KIAA1328: variants seen among roughly 807,000 people sequenced by gnomAD.
KIAA1328 encodes the protein KIAA1328.
In KIAA1328, 52 loss-of-function variants were observed where a neutral mutation model predicts 68.1. That is an observed-to-expected ratio of 0.76 (90% confidence interval 0.61 to 0.96). KIAA1328 has a LOEUF of 0.96. Ranked by LOEUF, KIAA1328 falls within the 40% of genes least tolerant of loss-of-function variation. KIAA1328 has a pLI of 0.00. For missense variants in KIAA1328, 641 were observed against 677.6 expected, an observed-to-expected ratio of 0.95 and a Z score of 0.60; for synonymous variants, 232 against 239.4, an observed-to-expected ratio of 0.97 and a Z score of 0.28.
At chr18:37,019,889 G>A (rs769107216) in intron 6 of KIAA1328, among the ~76,000 whole-genome samples, 6 of 152,206 alleles carry the variant, frequency 3.9e-5, no homozygotes, top group Admixed American at 1.3e-4. Flanking sequence ...TACAACAAAT[G>A]TCTGATGATT....
At chr18:37,100,615 G>C (rs2057580608) in intron 7 of KIAA1328, among the ~76,000 whole-genome samples, 1 of 152,206 alleles carries the variant, frequency 6.6e-6, no homozygotes, top group Admixed American at 6.5e-5. Flanking sequence ...CCAAACAAAA[G>C]GCAGCAGAAA....
chr18:37,122,901 A>G (rs887501871), intron 7 of KIAA1328, among the ~76,000 whole-genome samples: 1 of 152,154 alleles, frequency 6.6e-6, no homozygotes, highest in African/African-American at 2.4e-5. Flanking sequence ...AGCTGATTTT[A>G]AAAATAATGA....
intron 7 of KIAA1328, among the ~76,000 whole-genome samples, chr18:37,137,278 A>G (rs112261256): frequency 2.4e-4 from 36 of 152,192 alleles, no homozygotes; most frequent in African/African-American, 8.7e-4. Flanking sequence ...TACCTCTTAC[A>G]TCTTCAGACC....
chr18:37,147,566 G>A lies in KIAA1328; in HGVS notation c.1233-12634G>A, dbSNP rs2058929759. Among the ~76,000 whole-genome samples the A allele has an allele frequency of 3.3e-5, 5 of 152,210 alleles. No homozygotes were observed. In the South Asian group the frequency reaches 1.0e-3, roughly 32 times the overall value. On this transcript the variant is annotated intron_variant, in intron 7 of 9. Coordinates refer to ENST00000280020, the MANE Select transcript of KIAA1328 (RefSeq NM_020776.3). ...TATGCTTTGTGAGGGCAGATCTCTG[G>A]AAAGCCTGGGGTGTTTTCCAAGCCC...
At chr18:36,883,808 T>A (rs72887014) in intron 4 of KIAA1328, among the ~76,000 whole-genome samples, 1 of 151,968 alleles carries the variant, frequency 6.6e-6, no homozygotes, top group Non-Finnish European at 1.5e-5. Flanking sequence ...GTCTTTATAC[T>A]TTTTAATATT....
rs907978700 is a variant in KIAA1328, at chr18:37,060,312, T to C, written c.577-6578T>C. On this transcript the variant is annotated intron_variant, in intron 6 of 9. Transcript: ENST00000280020. The stretch of plus-strand genomic sequence containing the variant: ...TTATTTTCCATCTCTTTAACACTTA[T>C]TTTGAATTATTTAAAGGTCTTGTTT... Among the ~76,000 whole-genome samples, 6 of 152,300 alleles carry C rather than the reference T, an allele frequency of 3.9e-5. 1 individual carries two copies. The highest frequency in any genetic ancestry group is 4.1e-4 in the South Asian group (2 of 4,822).
At chr18:37,075,840 T>A (rs942673640) in intron 7 of KIAA1328, among the ~76,000 whole-genome samples, 4 of 152,206 alleles carry the variant, frequency 2.6e-5, no homozygotes, top group Non-Finnish European at 5.9e-5. Flanking sequence ...AAGCAAGTCC[T>A]GAGTGACCTA....
Position 37,155,457 on chromosome 18 carries a change from C to T in KIAA1328, c.1233-4743C>T, listed in dbSNP as rs117730517. Among the ~76,000 whole-genome samples, 6 of 152,312 alleles carry T rather than the reference C, an allele frequency of 3.9e-5. No homozygotes were observed. In the East Asian group the frequency reaches 9.7e-4, roughly 25 times the overall value. On this transcript the variant is annotated intron_variant, in intron 7 of 9. Transcript: ENST00000280020. The stretch of plus-strand genomic sequence containing the variant: ...TGGCAGTCATTCTTGACTTTTCTCT[C>T]CCTCTCTCTTACATCAAGTTCTACC...
intron 6 of KIAA1328, among the ~76,000 whole-genome samples, chr18:36,963,809 C>T (rs2051801138): frequency 6.6e-6 from 1 of 152,148 alleles, no homozygotes; most frequent in African/African-American, 2.4e-5. Context: ...CATCTATCTC[C>T]CTTACCAGCT....
At chr18:37,207,937 G>C (rs970724001) in intron 9 of KIAA1328, among the ~76,000 whole-genome samples, 1 of 152,118 alleles carries the variant, frequency 6.6e-6, no homozygotes. Context: ...AGTCTCCCGA[G>C]TAGCTGGGAT....
chr18:36,900,095 A>G (rs191533156), intron 5 of KIAA1328, among the ~76,000 whole-genome samples: 1 of 152,050 alleles, frequency 6.6e-6, no homozygotes, highest in Admixed American at 6.6e-5. Context: ...ATATACTTTC[A>G]TTTCTTAGCC....
At chr18:37,102,369 G>A (rs2057647645) in intron 7 of KIAA1328, among the ~76,000 whole-genome samples, 1 of 152,132 alleles carries the variant, frequency 6.6e-6, no homozygotes, top group Non-Finnish European at 1.5e-5. Flanking sequence ...AACCACCATG[G>A]CACACGTTTG....
At chr18:36,963,456 G>C (rs959313175) in intron 6 of KIAA1328, among the ~76,000 whole-genome samples, 18 of 152,194 alleles carry the variant, frequency 1.2e-4, no homozygotes, top group Admixed American at 2.6e-4. Context: ...ATACAGAGCT[G>C]ATAGTGAAGA....
intron 6 of KIAA1328, among the ~76,000 whole-genome samples, chr18:37,038,360 C>T (rs1250785860): frequency 6.6e-6 from 1 of 152,064 alleles, no homozygotes; most frequent in Non-Finnish European, 1.5e-5. Flanking sequence ...CTTTTTAACT[C>T]CTATATCAGA....
intron 6 of KIAA1328, among the ~76,000 whole-genome samples, chr18:36,997,752 T>C (rs2053444767): frequency 6.6e-6 from 1 of 152,092 alleles, no homozygotes; most frequent in Admixed American, 6.5e-5. Context: ...GGCTGTAAAA[T>C]GAGCAATCTG....
At chr18:36,850,277 CA>C (rs1482817258) in intron 4 of KIAA1328, among the ~76,000 whole-genome samples, 1 of 151,924 alleles carries the variant, frequency 6.6e-6, no homozygotes, top group Non-Finnish European at 1.5e-5. Context: ...AGTATCCTTT[CA>C]GATTGTTCAT....
At chr18:36,863,347 G>A (rs1015096672) in intron 4 of KIAA1328, among the ~76,000 whole-genome samples, 1 of 151,690 alleles carries the variant, frequency 6.6e-6, no homozygotes, top group African/African-American at 2.4e-5. Context: ...ATTCATATGG[G>A]TCTTTGTCTA....
intron 6 of KIAA1328, among the ~76,000 whole-genome samples, chr18:37,010,441 T>TAAAAAAAAAAAAAAAAAAAA (rs59927777): frequency 1.1e-5 from 1 of 90,308 alleles, no homozygotes; most frequent in Non-Finnish European, 2.0e-5. Flanking sequence ...AGACACCATC[T>TAAAAAAAAAAAAAAAAAAAA]AAAAAAAAAA....
intron 6 of KIAA1328, among the ~76,000 whole-genome samples, chr18:36,985,115 AAGACAGCC>A (rs1236219561): frequency 6.6e-6 from 1 of 151,938 alleles, no homozygotes; most frequent in Non-Finnish European, 1.5e-5. Flanking sequence ...CAGCTTGAGC[AAGACAGCC>A]AGACCCTTTC....
Sources: gnomAD v4.1 joint callset for allele counts (sites outside exome capture counted in the v4.1 genomes callset) on GRCh38, gnomAD v4.1.1 for gene constraint, MANE v1.5 for transcripts, NCBI Gene and HGNC (gene_info 2026-07-23, HGNC 2026-07-21) for gene names.